The following MGMT variants were observed in gnomAD, a reference collection of about 807,000 sequenced individuals.
MGMT encodes the protein O-6-methylguanine-DNA methyltransferase.
Under a neutral mutation model 15.9 loss-of-function variants are expected in MGMT, and 14 were observed. That is an observed-to-expected ratio of 0.88 (90% CI 0.58 to 1.37). MGMT has a LOEUF of 1.37. MGMT is among the 40% of genes most tolerant of loss of function. The pLI is 0.00. For missense variants in MGMT, 282 were observed against 268.1 expected, an observed-to-expected ratio of 1.05 and a Z score of -0.36; for synonymous variants, 130 against 118.2, an observed-to-expected ratio of 1.10 and a Z score of -0.65.
intron 3 of MGMT, among the ~76,000 whole-genome samples, chr10:129,748,590 T>C (rs1423296442): frequency 1.3e-5 from 2 of 152,168 alleles, no homozygotes; most frequent in Admixed American, 1.3e-4. Flanking sequence ...CTAGGTTTGC[T>C]CCTTGCTATG....
chr10:129,730,494 A>G (rs1307115662), intron 3 of MGMT, among the ~76,000 whole-genome samples: 3 of 152,220 alleles, frequency 2.0e-5, no homozygotes, highest in African/African-American at 7.2e-5. Context: ...CTGTGTCTGC[A>G]AGGTCTGGCG....
intron 2 of MGMT, among the ~76,000 whole-genome samples, chr10:129,698,784 G>A (rs773602221): frequency 3.3e-5 from 5 of 152,294 alleles, no homozygotes; most frequent in South Asian, 2.1e-4. Context: ...GTAGTCTCAC[G>A]TAGTCATTTT....
At chr10:129,730,875 A>T (rs894533977) in intron 3 of MGMT, among the ~76,000 whole-genome samples, 2 of 152,354 alleles carry the variant, frequency 1.3e-5, no homozygotes, top group African/African-American at 2.4e-5. Flanking sequence ...TCACAGTTTA[A>T]TCATTTCTCT....
intron 1 of MGMT, among the ~76,000 whole-genome samples, chr10:129,503,091 C>A (rs764839672): frequency 6.7e-6 from 1 of 149,220 alleles, no homozygotes; most frequent in Non-Finnish European, 1.5e-5. Flanking sequence ...TTAATGGTTT[C>A]GCCCACACTG....
At chr10:129,757,877 T>G (rs963581209) in intron 3 of MGMT, among the ~76,000 whole-genome samples, 1 of 152,174 alleles carries the variant, frequency 6.6e-6, no homozygotes, top group South Asian at 2.1e-4. Context: ...GAATTTTCTT[T>G]GAATAGAAAG....
At chr10:129,752,712 T>C (rs1564785152) in intron 3 of MGMT, among the ~76,000 whole-genome samples, 1 of 152,108 alleles carries the variant, frequency 6.6e-6, no homozygotes, top group Non-Finnish European at 1.5e-5. Flanking sequence ...AATATAGAAA[T>C]CTTATGACTA....
chr10:129,636,202 G>GT (rs1217557491), intron 2 of MGMT, among the ~76,000 whole-genome samples: 9 of 152,138 alleles, frequency 5.9e-5, no homozygotes, highest in African/African-American at 2.2e-4. Context: ...AAAGTGCCTC[G>GT]TATTTTCTCA....
At chr10:129,720,324 G>A (rs929507088) in intron 3 of MGMT, among the ~76,000 whole-genome samples, 3 of 152,240 alleles carry the variant, frequency 2.0e-5, no homozygotes, top group Non-Finnish European at 4.4e-5. Flanking sequence ...CATGTAGGCT[G>A]CTGCAAGAGG....
intron 2 of MGMT, chr10:129,701,893 TGAAAG>T (rs1554879075): frequency 1.3e-5 from 2 of 152,224 alleles, no homozygotes; most frequent in Non-Finnish European, 2.9e-5. Context: ...ATCAGTGTCT[TGAAAG>T]GAAGCTTCTT....
At chr10:129,702,196 C>G (rs1401773439) in intron 2 of MGMT, 1 of 152,132 alleles carries the variant, frequency 6.6e-6, no homozygotes, top group Non-Finnish European at 1.5e-5. Context: ...CAGTGTTGTC[C>G]GGTTTGATTT....
At chr10:129,474,757 A>G (rs1241624853) in intron 1 of MGMT, among the ~76,000 whole-genome samples, 3 of 152,200 alleles carry the variant, frequency 2.0e-5, no homozygotes, top group African/African-American at 7.2e-5. Flanking sequence ...AATGCAAATT[A>G]GAAATAGTGT....
chr10:129,512,112 A>C (rs973741520), intron 1 of MGMT, among the ~76,000 whole-genome samples: 1 of 152,196 alleles, frequency 6.6e-6, no homozygotes, highest in Non-Finnish European at 1.5e-5. Flanking sequence ...GGGCGCAGAA[A>C]GAAACAGGCC....
intron 2 of MGMT, among the ~76,000 whole-genome samples, chr10:129,570,443 G>A (rs1564855787): frequency 6.6e-6 from 1 of 152,260 alleles, no homozygotes; most frequent in East Asian, 1.9e-4. Flanking sequence ...GTGCCCACGT[G>A]TCACGAGGCA....
intron 2 of MGMT, among the ~76,000 whole-genome samples, chr10:129,560,773 C>T (rs755234660): frequency 5.3e-5 from 8 of 152,184 alleles, no homozygotes; most frequent in Non-Finnish European, 1.2e-4. Flanking sequence ...TATTTTCATT[C>T]AGCCATTAAA....
intron 2 of MGMT, among the ~76,000 whole-genome samples, chr10:129,666,711 A>G (rs1359006981): frequency 6.6e-6 from 1 of 152,132 alleles, no homozygotes; most frequent in Non-Finnish European, 1.5e-5. Flanking sequence ...ATTCCTTCCT[A>G]ATATTTTTAT....
rs1433265056 is a variant in MGMT at position 129,659,872 on chromosome 10, G to A, written c.126-48023G>A. Among the ~76,000 whole-genome samples, 2 of 152,186 alleles carry A rather than the reference G, an allele frequency of 1.3e-5. No homozygotes were observed. The highest frequency in any genetic ancestry group is 4.8e-5 in the African/African-American group (2 of 41,450). ...CAGCACCTGATGTTTGGGCACGGGCGACAGGACGTAGGGTGGTCATCCGAA... is the reference window on the plus strand; with the variant it reads ...CAGCACCTGATGTTTGGGCACGGGCAACAGGACGTAGGGTGGTCATCCGAA... On this transcript the variant is annotated intron_variant, in intron 2 of 4. Transcript: ENST00000651593. The surrounding 1 kb of genome is among the most constrained non-coding windows in gnomAD (Gnocchi z 4.1).
chr10:129,491,405 G>C (rs1254658205), intron 1 of MGMT, among the ~76,000 whole-genome samples: 1 of 152,216 alleles, frequency 6.6e-6, no homozygotes, highest in Admixed American at 6.5e-5. Context: ...AGCTAATTGT[G>C]TTATGGTTCT....
chr10:129,729,092 G>C (rs1428797518), intron 3 of MGMT, among the ~76,000 whole-genome samples: 1 of 152,012 alleles, frequency 6.6e-6, no homozygotes, highest in Non-Finnish European at 1.5e-5. Flanking sequence ...GGAGGGGTGG[G>C]GACCAGACTG....
At chr10:129,588,438 C>T (rs1356184482) in intron 2 of MGMT, among the ~76,000 whole-genome samples, 1 of 152,162 alleles carries the variant, frequency 6.6e-6, no homozygotes, top group East Asian at 1.9e-4. Flanking sequence ...GCATCATTTA[C>T]CAGCTTTTTA....
Sources: allele counts gnomAD v4.1 joint callset (sites outside exome capture counted in the v4.1 genomes callset), GRCh38; gene constraint gnomAD v4.1.1; non-coding constraint Gnocchi (gnomAD v3.1); transcripts MANE v1.5; gene names NCBI Gene and HGNC (gene_info 2026-07-23, HGNC 2026-07-21).